VSIG1: variants seen among roughly 807,000 people sequenced by gnomAD.
VSIG1 encodes V-set and immunoglobulin domain containing 1.
In VSIG1, 11 loss-of-function variants were observed where a neutral mutation model predicts 20.1. That is an observed-to-expected ratio of 0.55 (90% confidence interval 0.34 to 0.91). The LOEUF is 0.91. VSIG1 is among the 40% of genes least tolerant of loss of function. The pLI is 0.02. For synonymous variants in VSIG1, 126 were observed against 116.7 expected, an observed-to-expected ratio of 1.08 and a Z score of -0.52; for missense variants, 283 against 298.8, an observed-to-expected ratio of 0.95 and a Z score of 0.39.
chrX:108,073,384 C>T lies in VSIG1; in HGVS notation c.688+15C>T, dbSNP rs769164068. ...CACTTCTTCACGTGAGTTGACCATACAACTTTAACGGTTTCTCCTTAAATC... is the reference window on the plus strand; with the variant it reads ...CACTTCTTCACGTGAGTTGACCATATAACTTTAACGGTTTCTCCTTAAATC... On this transcript the variant is annotated intron_variant, in intron 5 of 6. Transcript: ENST00000217957. 2 of 1,208,066 alleles carry T rather than the reference C, an allele frequency of 1.7e-6. No individual in the cohort carries two copies. Among genetic ancestry groups the T allele is most frequent in the South Asian group, 3.6e-5 (2 of 55,926 alleles).
intron 3 of VSIG1, among the ~76,000 whole-genome samples, chrX:108,070,056 A>T (rs1416426447): frequency 8.9e-6 from 1 of 112,192 alleles, no homozygotes; most frequent in Non-Finnish European, 1.9e-5. Flanking sequence ...ATTAGGTATG[A>T]CAACCTTGGA....
At chrX:108,068,184 C>A (rs1245069216) in intron 3 of VSIG1, among the ~76,000 whole-genome samples, 1 of 111,942 alleles carries the variant, frequency 8.9e-6, no homozygotes. Flanking sequence ...TGAGGTTTGC[C>A]ACTGCATCTA....
the VSIG1 span, among the ~76,000 whole-genome samples, chrX:108,030,527 T>C: frequency 2.7e-5 from 3 of 111,623 alleles, no homozygotes; most frequent in Non-Finnish European, 5.7e-5. Flanking sequence ...GACAAAACTG[T>C]TAAGGACCAA....
At chrX:108,029,956 A>G in the VSIG1 span, among the ~76,000 whole-genome samples, 5,571 of 111,916 alleles carry the variant, frequency 0.05, 124 homozygotes, top group East Asian at 0.096. Flanking sequence ...AGGTTGTTTT[A>G]AAAGAAGACT....
In VSIG1 at chrX:108,078,752, A is replaced by G. The variant is rs2031397972; in HGVS notation, c.*1371A>G. 1 of 112,680 alleles carries G rather than the reference A, an allele frequency of 8.9e-6. No individual in the cohort carries two copies. The highest frequency in any genetic ancestry group is 1.9e-5 in the Non-Finnish European group (1 of 53,369). The allele number at this position is 112,680 out of a possible 1,213,427, so 9.3% of individuals were successfully genotyped here. Reference sequence around the variant, plus strand: ...ACAATTTAGTTTTGAATGAGTTATTATGTTATCACTGTGTCTGATGTTATC... The same window carrying G: ...ACAATTTAGTTTTGAATGAGTTATTGTGTTATCACTGTGTCTGATGTTATC... On this transcript the variant is annotated 3_prime_UTR_variant, in exon 7 of 7. Transcript: ENST00000217957.
At chrX:108,076,278 C>T in intron 6 of VSIG1, 60 bp downstream of exon 6, 2 of 1,140,475 alleles carry the variant, frequency 1.8e-6, no homozygotes, top group South Asian at 4.0e-5. Flanking sequence ...ATGTCTTTTT[C>T]AGTCATCAAT....
intron 1 of VSIG1, among the ~76,000 whole-genome samples, chrX:108,050,151 A>T (rs1003254307): frequency 1.8e-5 from 2 of 112,617 alleles, no homozygotes; most frequent in Admixed American, 1.9e-4. Context: ...AACCAAGAGT[A>T]ATCAGTACAA....
the VSIG1 span, among the ~76,000 whole-genome samples, chrX:108,024,371 T>G: frequency 9.0e-6 from 1 of 110,986 alleles, no homozygotes; most frequent in African/African-American, 3.3e-5. Context: ...TGTGAATTTT[T>G]ACTGTTCTTT....
At chrX:108,055,400 G>A (rs191702000) in intron 1 of VSIG1, among the ~76,000 whole-genome samples, 1 of 111,849 alleles carries the variant, frequency 8.9e-6, no homozygotes, top group East Asian at 2.8e-4. Context: ...ATTAAGATCA[G>A]TTTTACACAT....
At chrX:108,059,157 G>A (rs1774363068) in intron 2 of VSIG1, among the ~76,000 whole-genome samples, 1 of 111,666 alleles carries the variant, frequency 9.0e-6, no homozygotes, top group African/African-American at 3.3e-5. Flanking sequence ...GCTGAATTGG[G>A]CCTTGAAGGA....
intron 1 of VSIG1, among the ~76,000 whole-genome samples, chrX:108,047,075 G>T (rs1602563093): frequency 9.0e-6 from 1 of 111,336 alleles, no homozygotes; most frequent in Non-Finnish European, 1.9e-5. Context: ...AGTTGATCTG[G>T]ACAACTGATA....
At chrX:108,047,935 CACATAT>C (rs1314305941) in intron 1 of VSIG1, among the ~76,000 whole-genome samples, 4 of 38,612 alleles carry the variant, frequency 1.0e-4, no homozygotes, top group African/African-American at 6.5e-4. Context: ...TATATATATA[CACATAT>C]ATATATATAT....
upstream of VSIG1, among the ~76,000 whole-genome samples, chrX:108,041,906 A>G (rs932589666): frequency 2.4e-4 from 26 of 108,956 alleles, no homozygotes; most frequent in African/African-American, 7.7e-4. Flanking sequence ...AATGCGTGCT[A>G]TGGTGACCTT....
At position 108,073,094 on chromosome X, in the gene VSIG1, G is replaced by A. The variant is rs187374873; in HGVS notation, c.569-156G>A. ...AACAGGCATGGTCCCAGGTGAGTTA[G>A]CACTGGAACAGTCCTGAGGGGCCTA... On this transcript the variant is annotated intron_variant, in intron 4 of 6. Coordinates refer to ENST00000217957, the MANE Select transcript of VSIG1 (RefSeq NM_182607.5). Among the ~76,000 whole-genome samples, 90 of 111,680 alleles carry A rather than the reference G, an allele frequency of 8.1e-4. 1 individual carries two copies. The highest frequency in any genetic ancestry group is 4.6e-3 in the Middle Eastern group (1 of 218).
intron 3 of VSIG1, among the ~76,000 whole-genome samples, chrX:108,071,596 C>T (rs751769937): frequency 1.8e-5 from 2 of 110,591 alleles, no homozygotes; most frequent in Admixed American, 1.9e-4. Flanking sequence ...CCTTGTCACC[C>T]CTTCACCTAA....
intron 3 of VSIG1, among the ~76,000 whole-genome samples, chrX:108,067,796 G>A (rs1288214173): frequency 8.9e-6 from 1 of 112,099 alleles, no homozygotes; most frequent in Non-Finnish European, 1.9e-5. Flanking sequence ...TCCCAATTTT[G>A]GCCATTTCTA....
the VSIG1 span, among the ~76,000 whole-genome samples, chrX:108,023,913 G>A: frequency 6.3e-5 from 7 of 111,693 alleles, no homozygotes; most frequent in Non-Finnish European, 1.3e-4. Flanking sequence ...ACATAGGAAC[G>A]CTTCCTAGTT....
At chrX:108,063,445 G>A (rs2031068671) in intron 2 of VSIG1, among the ~76,000 whole-genome samples, 1 of 111,324 alleles carries the variant, frequency 9.0e-6, no homozygotes, top group South Asian at 3.8e-4. Flanking sequence ...TTTACTAACC[G>A]CAGGCCTCTG....
At chrX:108,034,545 G>T in the VSIG1 span, among the ~76,000 whole-genome samples, 7 of 111,651 alleles carry the variant, frequency 6.3e-5, no homozygotes, top group South Asian at 3.8e-4. Flanking sequence ...TTGTTTGTTT[G>T]TAGAAAGATC....
Sources: gnomAD v4.1 joint callset for allele counts (sites outside exome capture counted in the v4.1 genomes callset) on GRCh38, gnomAD v4.1.1 for gene constraint, MANE v1.5 for transcripts, NCBI Gene and HGNC (gene_info 2026-07-23, HGNC 2026-07-21) for gene names.